The following MMP21 variants were observed in gnomAD, a reference collection of about 807,000 sequenced individuals.
The protein encoded by MMP21 is matrix metalloproteinase-21.
Under a neutral mutation model 47.8 loss-of-function variants are expected in MMP21, and 40 were observed. That is an observed-to-expected ratio of 0.84 (90% CI 0.65 to 1.09). MMP21 has a LOEUF of 1.09. Ranked by LOEUF, MMP21 falls within the 50% of genes least tolerant of loss-of-function variation. MMP21 has a pLI of 0.00. For missense variants in MMP21, 747 were observed against 775.3 expected (o/e 0.96, Z 0.43); for synonymous variants, 341 against 318.0 (o/e 1.07, Z -0.77).
intron 1 of MMP21, among the ~76,000 whole-genome samples, chr10:125,774,579 G>A (rs1359002789): frequency 6.6e-6 from 1 of 152,242 alleles, no homozygotes; most frequent in Non-Finnish European, 1.5e-5. Flanking sequence ...GAGAGACAGA[G>A]ACAGGAGAGA....
In MMP21 at chr10:125,772,797, C is replaced by A; in HGVS notation, c.698-47G>T. 2 of 1,596,102 alleles carry A rather than the reference C, an allele frequency of 1.3e-6. No individual in the cohort carries two copies. The highest frequency in any genetic ancestry group is 1.1e-5 in the South Asian group (1 of 90,322). On this transcript the variant is annotated intron_variant, in intron 2 of 6. Transcript: ENST00000368808. The surrounding 1 kb of genome is among the most constrained non-coding windows in gnomAD (Gnocchi z 5.6). The stretch of plus-strand genomic sequence containing the variant: ...TGGTCCCGGTGAAGGATGAGTGCCC[C>A]CCATACAGACTCCTCACCTAGGGGG...
chr10:125,771,510 TCTC>T (rs2133782726), intron 4 of MMP21, among the ~76,000 whole-genome samples: 1 of 152,120 alleles, frequency 6.6e-6, no homozygotes, highest in African/African-American at 2.4e-5. Flanking sequence ...TTCAAGCAAT[TCTC>T]CTGCCTCAGC....
Position 125,772,824 on chromosome 10 carries a change from C to G in MMP21, c.698-74G>C. The G allele has an allele frequency of 6.5e-7, 1 of 1,547,010 alleles. No homozygotes were observed. Among genetic ancestry groups the G allele is most frequent in the Non-Finnish European group, 8.8e-7 (1 of 1,139,620 alleles). ...CATACAGACTCCTCACCTAGGGGGT[C>G]CCCAGCCTCCAGGAGCCGGCAGCAG... On this transcript the variant is annotated intron_variant, in intron 2 of 6. Coordinates refer to ENST00000368808, the MANE Select transcript of MMP21 (RefSeq NM_147191.1). The surrounding 1 kb of genome is among the most constrained non-coding windows in gnomAD (Gnocchi z 5.6).
At position 125,770,324 on chromosome 10, in the gene MMP21, G is replaced by C; in HGVS notation, c.1237+10C>G. 1 of 1,613,734 alleles carries C rather than the reference G, an allele frequency of 6.2e-7. No homozygotes were observed. The highest frequency in any genetic ancestry group is 8.5e-7 in the Non-Finnish European group (1 of 1,179,758). ...TGAGAGAAATAGAACCATCCATGAA[G>C]AATCTGTACCTTGAAAAAAATAACG... On this transcript the variant is annotated intron_variant, in intron 5 of 6. Coordinates refer to ENST00000368808, the MANE Select transcript of MMP21 (RefSeq NM_147191.1).
intron 6 of MMP21, 37 bp from the exon 7 acceptor site, chr10:125,766,998 A>C (rs1195296552): frequency 6.7e-7 from 1 of 1,491,444 alleles, no homozygotes; most frequent in Non-Finnish European, 9.0e-7. Flanking sequence ...TCTTCTGAAA[A>C]TTATTAATAT....
At chr10:125,768,111 G>C (rs946029250) in intron 5 of MMP21, among the ~76,000 whole-genome samples, 1 of 152,086 alleles carries the variant, frequency 6.6e-6, no homozygotes, top group African/African-American at 2.4e-5. Context: ...TTTAATGTTA[G>C]TGGCCCAAGG....
At position 125,773,922 on chromosome 10, in the gene MMP21, GA is replaced by G; in HGVS notation, c.605del (p.Phe202SerfsTer7). 1 of 1,584,748 alleles carries G rather than the reference GA, an allele frequency of 6.3e-7. No individual in the cohort carries two copies. The highest frequency in any genetic ancestry group is 8.5e-7 in the Non-Finnish European group (1 of 1,172,780). ...GCGGCGTCACCTCGCTCCACATCCT[GA>G]AGGCCAGCGCCACAATGCGCCGCTG... ...ADQRRIVALA[F>X]RMWSEVTPLD... On this transcript the variant is annotated frameshift_variant, in exon 2 of 7. Coordinates refer to ENST00000368808, the MANE Select transcript of MMP21 (RefSeq NM_147191.1). LOFTEE classifies it high-confidence loss of function. The surrounding 1 kb of genome is among the most constrained non-coding windows in gnomAD (Gnocchi z 4.8).
In MMP21 at chr10:125,766,834, T is replaced by C. The variant is rs1850391528; in HGVS notation, c.1538A>G (p.Tyr513Cys). Reference protein sequence around the residue: ...FRNIDSAYYSYAYNSIFFFKG... With the variant: ...FRNIDSAYYSCAYNSIFFFKG... ...GAAAAAGAAAATGGAGTTGTATGCATAGGAGTAATAAGCGGAATCTATATT... is the reference window on the plus strand; with the variant it reads ...GAAAAAGAAAATGGAGTTGTATGCACAGGAGTAATAAGCGGAATCTATATT... Residue 513 changes from tyrosine to cysteine, a missense_variant, in exon 7 of 7, where the codon TAT (tyrosine) becomes TGT (cysteine). Physicochemically the swap from Tyr to Cys is radical, Grantham distance 194. Transcript: ENST00000368808. 6.2e-7 allele frequency: 1 copy of C among 1,614,014 alleles called. No homozygotes were observed.
rs1214508803 is a variant in MMP21, at chr10:125,766,909, C to T, written c.1463G>A (p.Arg488Lys). ...RNRVLNSYPK[R>K]ITEVFPAVIP... The stretch of plus-strand genomic sequence containing the variant: ...TACTGCTGGAAAAACTTCAGTAATC[C>T]TCTTTGGATAAGAATTAAGTACTCG... The change falls in exon 7 of 7, where the codon AGG (arginine) becomes AAG (lysine). Residue 488 changes from arginine (R) to lysine (K), a missense_variant. Transcript: ENST00000368808. 1 of 1,611,830 alleles carries T rather than the reference C, an allele frequency of 6.2e-7. No individual in the cohort carries two copies. Among genetic ancestry groups the T allele is most frequent in the East Asian group, 2.2e-5 (1 of 44,818 alleles).
intron 5 of MMP21, among the ~76,000 whole-genome samples, chr10:125,768,908 T>A (rs1307236966): frequency 6.6e-6 from 1 of 152,196 alleles, no homozygotes; most frequent in Non-Finnish European, 1.5e-5. Flanking sequence ...ATTCTTCCTT[T>A]GTGTGATATG....
chr10:125,766,948 T>C lies in MMP21; in HGVS notation c.1424A>G (p.Asp475Gly), dbSNP rs769656709. ...FFKESLVFAF[D>G]VNRNRVLNSY... Reference sequence around the variant, plus strand: ...ATTAAGTACTCGATTTCTGTTGACATCAAATGCAAATACCTGCAAAGCAAA... The same window carrying C: ...ATTAAGTACTCGATTTCTGTTGACACCAAATGCAAATACCTGCAAAGCAAA... Residue 475 changes from aspartate to glycine, a missense_variant, in exon 7 of 7, where the codon GAT becomes GGT. Physicochemically the swap from Asp to Gly is moderately conservative, Grantham distance 94 (BLOSUM62 -1). Coordinates refer to ENST00000368808, the MANE Select transcript of MMP21 (RefSeq NM_147191.1). 1.3e-6 allele frequency: 2 copies of C among 1,586,502 alleles called. No homozygotes were observed. The highest frequency in any genetic ancestry group is 1.7e-6 in the Non-Finnish European group (2 of 1,170,036).
rs746581447 is a variant in MMP21 at position 125,766,933 on chromosome 10, C to T, written c.1439G>A (p.Arg480Gln). The T allele has an allele frequency of 3.2e-5, 51 of 1,597,168 alleles. No individual in the cohort carries two copies. The highest frequency in any genetic ancestry group is 4.5e-5 in the East Asian group (2 of 44,666). Residue 480 changes from arginine (R) to glutamine (Q), a missense_variant, in exon 7 of 7, where the codon CGA (arginine) becomes CAA (glutamine). Arg to Gln is a conservative substitution (Grantham distance 43). Coordinates refer to ENST00000368808, the MANE Select transcript of MMP21 (RefSeq NM_147191.1). Reference sequence around the variant, plus strand: ...CCTCTTTGGATAAGAATTAAGTACTCGATTTCTGTTGACATCAAATGCAAA... The same window carrying T: ...CCTCTTTGGATAAGAATTAAGTACTTGATTTCTGTTGACATCAAATGCAAA... ...LVFAFDVNRN[R>Q]VLNSYPKRIT...
In MMP21 at chr10:125,773,898, C is replaced by T. The variant is rs201616330; in HGVS notation, c.630G>A (p.Pro210=). 201 of 1,580,032 alleles carry T rather than the reference C, an allele frequency of 1.3e-4. No individual in the cohort carries two copies. Among genetic ancestry groups the T allele is most frequent in the Non-Finnish European group, 1.6e-4 (190 of 1,170,226 alleles). Reference sequence around the variant, plus strand: ...CGGCCAGGTCCTCGCGGAAGTCCAGCGGCGTCACCTCGCTCCACATCCTGA... The same window carrying T: ...CGGCCAGGTCCTCGCGGAAGTCCAGTGGCGTCACCTCGCTCCACATCCTGA... ...LAFRMWSEVT[P]LDFREDLAAP... The change falls in exon 2 of 7, where the codon CCG becomes CCA. Residue 210 remains proline, a synonymous_variant. Coordinates refer to ENST00000368808, the MANE Select transcript of MMP21 (RefSeq NM_147191.1). The surrounding 1 kb of genome is among the most constrained non-coding windows in gnomAD (Gnocchi z 4.8).
In MMP21 at chr10:125,773,977, G is replaced by A. The variant is rs1230586444; in HGVS notation, c.551C>T (p.Ala184Val). The change falls in exon 2 of 7, where the codon GCC (alanine) becomes GTC (valine). Residue 184 changes from alanine to valine, a missense_variant. Coordinates refer to ENST00000368808, the MANE Select transcript of MMP21 (RefSeq NM_147191.1). The surrounding 1 kb of genome is among the most constrained non-coding windows in gnomAD (Gnocchi z 4.8). Reference sequence around the variant, plus strand: ...GGCCACGGACAGTTGGCTGCTCAGGGCCTCGCCCAGCAGCCGCCAGCTCAG... The same window carrying A: ...GGCCACGGACAGTTGGCTGCTCAGGACCTCGCCCAGCAGCCGCCAGCTCAG... Reference protein sequence around the residue: ...RTLSWRLLGEALSSQLSVADQ... With the variant: ...RTLSWRLLGEVLSSQLSVADQ... 1.9e-6 allele frequency: 3 copies of A among 1,570,060 alleles called. No individual in the cohort carries two copies. The highest frequency in any genetic ancestry group is 4.8e-5 in the East Asian group (2 of 42,068).
intron 5 of MMP21, among the ~76,000 whole-genome samples, chr10:125,769,165 C>T (rs1449855923): frequency 1.3e-5 from 2 of 152,166 alleles, no homozygotes; most frequent in African/African-American, 2.4e-5. Context: ...GCAAAGGCAG[C>T]GTGCCTCGTG....
chr10:125,774,686 A>G (rs1850496135), intron 1 of MMP21, among the ~76,000 whole-genome samples: 1 of 152,036 alleles, frequency 6.6e-6, no homozygotes, highest in Non-Finnish European at 1.5e-5. Flanking sequence ...GGGCCGGAGG[A>G]GCAGGAGACC....
rs1036133581 is a variant in MMP21 at position 125,774,177 on chromosome 10, G to A, written c.351C>T (p.Cys117=). The stretch of plus-strand genomic sequence containing the variant: ...GCGGTGGGCGCATGTCCGGGACCCC[G>A]CAGCGCGGCCGGTTCATGGCCGCTA... ...ATLAAMNRPR[C]GVPDMRPPPP... The change falls in exon 2 of 7, where the codon TGC becomes TGT. Residue 117 remains cysteine (C), a synonymous_variant. Coordinates refer to ENST00000368808, the MANE Select transcript of MMP21 (RefSeq NM_147191.1). 3 of 1,274,232 alleles carry A rather than the reference G, an allele frequency of 2.4e-6. No individual in the cohort carries two copies. The highest frequency in any genetic ancestry group is 4.3e-5 in the Admixed American group (1 of 23,146). The allele number at this position is 1,274,232 out of a possible 1,614,324, so 78.9% of individuals were successfully genotyped here.
Position 125,772,737 on chromosome 10 carries a change from G to A in MMP21, c.711C>T (p.Gly237=). Reference sequence around the variant, plus strand: ...CGCTCCCATCGAAGGCCCGCGGACAGCCCAGGTGCCGGCCTGGCGAGGGGG... The same window carrying A: ...CGCTCCCATCGAAGGCCCGCGGACAACCCAGGTGCCGGCCTGGCGAGGGGG... The part of the protein sequence containing the change: ...KLGFGRGRHL[G]CPRAFDGSGQ... Residue 237 remains glycine, a synonymous_variant, in exon 3 of 7, where the codon GGC becomes GGT. Transcript: ENST00000368808. The surrounding 1 kb of genome is among the most constrained non-coding windows in gnomAD (Gnocchi z 5.6). The A allele has an allele frequency of 6.2e-7, 1 of 1,613,560 alleles. No individual in the cohort carries two copies. The highest frequency in any genetic ancestry group is 8.5e-7 in the Non-Finnish European group (1 of 1,179,766).
At position 125,773,902 on chromosome 10, in the gene MMP21, G is replaced by C; in HGVS notation, c.626C>G (p.Thr209Arg). Reference protein sequence around the residue: ...ALAFRMWSEVTPLDFREDLAA... With the variant: ...ALAFRMWSEVRPLDFREDLAA... ...CAGGTCCTCGCGGAAGTCCAGCGGC[G>C]TCACCTCGCTCCACATCCTGAAGGC... is the stretch of plus-strand genomic sequence containing the variant. The change falls in exon 2 of 7, where the codon ACG becomes AGG. Residue 209 changes from threonine to arginine, a missense_variant. Coordinates refer to ENST00000368808, the MANE Select transcript of MMP21 (RefSeq NM_147191.1). This position sits in a 1 kb window ranked among gnomAD's most constrained non-coding sequence, Gnocchi z 4.8. 4 of 1,581,516 alleles carry C rather than the reference G, an allele frequency of 2.5e-6. No homozygotes were observed. Among genetic ancestry groups the C allele is most frequent in the Non-Finnish European group, 3.4e-6 (4 of 1,170,956 alleles).
Sources: allele counts gnomAD v4.1 joint callset (sites outside exome capture counted in the v4.1 genomes callset), GRCh38; gene constraint gnomAD v4.1.1; non-coding constraint Gnocchi (gnomAD v3.1); transcripts MANE v1.5; gene names NCBI Gene and HGNC (gene_info 2026-07-23, HGNC 2026-07-21).